Variants in CNTN5 observed in about 807,000 individuals in gnomAD.
The protein encoded by CNTN5 is contactin 5, also known as contactin-5.
In CNTN5, 77 loss-of-function variants were observed where a neutral mutation model predicts 129.1. That is an observed-to-expected ratio of 0.60 (90% CI 0.50 to 0.72). CNTN5 has a LOEUF of 0.72. Among genes scored for constraint, CNTN5 ranks in the 30% least tolerant of loss-of-function variants. The pLI, the probability that CNTN5 is intolerant of heterozygous loss-of-function variation, is 0.00. For synonymous variants in CNTN5, 509 were observed against 465.6 expected (o/e 1.09, Z -1.20); for missense variants, 1,478 against 1,328.8 (o/e 1.11, Z -1.75).
chr11:99,856,554 C>A (rs1321966337), intron 6 of CNTN5, among the ~76,000 whole-genome samples: 6 of 152,112 alleles, frequency 3.9e-5, no homozygotes. Flanking sequence ...TCTGCTCATT[C>A]CATGGGACTT....
intron 2 of CNTN5, among the ~76,000 whole-genome samples, chr11:99,329,424 C>T (rs1181060395): frequency 6.6e-6 from 1 of 152,104 alleles, no homozygotes; most frequent in African/African-American, 2.4e-5. Context: ...TATTTATTTT[C>T]TGGAGTAAGT....
At chr11:99,932,390 T>C (rs1348939684) in intron 7 of CNTN5, among the ~76,000 whole-genome samples, 1 of 151,858 alleles carries the variant, frequency 6.6e-6, no homozygotes, top group Non-Finnish European at 1.5e-5. Context: ...ACGGGGTTTC[T>C]CCATGTTGGC....
intron 17 of CNTN5, among the ~76,000 whole-genome samples, chr11:100,266,185 G>C (rs1950299973): frequency 6.6e-6 from 1 of 151,994 alleles, no homozygotes. Flanking sequence ...TTAGGGCCAG[G>C]AGATTGAGAC....
intron 8 of CNTN5, 87 bp downstream of exon 8, chr11:99,957,096 G>A: frequency 5.3e-6 from 6 of 1,129,446 alleles, no homozygotes; most frequent in South Asian, 1.6e-5. Flanking sequence ...TTTAAGACCT[G>A]GAACTTACAA....
At chr11:99,721,900 ATAGT>A (rs764550958) in intron 3 of CNTN5, among the ~76,000 whole-genome samples, 6 of 152,152 alleles carry the variant, frequency 3.9e-5, no homozygotes, top group Admixed American at 6.5e-5. Context: ...AATGTCACTG[ATAGT>A]TAGATAAATG....
At chr11:99,348,539 A>T (rs1193217124) in intron 2 of CNTN5, among the ~76,000 whole-genome samples, 2 of 152,198 alleles carry the variant, frequency 1.3e-5, no homozygotes, top group African/African-American at 2.4e-5. Context: ...CCAACTGCAA[A>T]TGGAGAAACT....
At chr11:99,770,190 A>T (rs1045629024) in intron 3 of CNTN5, among the ~76,000 whole-genome samples, 12 of 152,098 alleles carry the variant, frequency 7.9e-5, no homozygotes, top group Non-Finnish European at 1.6e-4. Flanking sequence ...TAATTTGCTT[A>T]TATTAGCATA....
At chr11:99,033,610 A>G (rs1863523955) in intron 1 of CNTN5, among the ~76,000 whole-genome samples, 1 of 151,606 alleles carries the variant, frequency 6.6e-6, no homozygotes, top group South Asian at 2.1e-4. Flanking sequence ...ATTTTTGTAC[A>G]TTGATTTTGT....
At chr11:100,001,028 G>A (rs888780308) in intron 8 of CNTN5, among the ~76,000 whole-genome samples, 1 of 152,128 alleles carries the variant, frequency 6.6e-6, no homozygotes, top group Non-Finnish European at 1.5e-5. Flanking sequence ...GTGATGAGAG[G>A]GGCTGCTATG....
intron 9 of CNTN5, among the ~76,000 whole-genome samples, chr11:100,040,839 G>A (rs529174696): frequency 6.6e-6 from 1 of 152,296 alleles, no homozygotes; most frequent in Non-Finnish European, 1.5e-5. Flanking sequence ...CGCAGTTTTA[G>A]GGTGGGAGTG....
chr11:99,676,646 TAAGAAAA>T (rs1446121261), intron 3 of CNTN5, among the ~76,000 whole-genome samples: 1 of 152,090 alleles, frequency 6.6e-6, no homozygotes, highest in Non-Finnish European at 1.5e-5. Flanking sequence ...TGGTAGTCGT[TAAGAAAA>T]AAGAACTTAA....
intron 1 of CNTN5, among the ~76,000 whole-genome samples, chr11:99,067,249 A>G (rs1261684720): frequency 2.6e-5 from 4 of 152,174 alleles, no homozygotes; most frequent in Admixed American, 2.0e-4. Flanking sequence ...TACTCTTGGC[A>G]TATGTAGTCA....
Position 99,146,965 on chromosome 11 carries a change from A to G in CNTN5, c.-210+125695A>G, listed in dbSNP as rs1415450193. Among the ~76,000 whole-genome samples, 3 of 152,152 alleles carry G rather than the reference A, an allele frequency of 2.0e-5. No homozygotes were observed. The East Asian group carries it at 5.8e-4, about 29-fold the overall frequency. On this transcript the variant is annotated intron_variant, in intron 1 of 24. Coordinates refer to ENST00000524871, the MANE Select transcript of CNTN5 (RefSeq NM_014361.4). ...CTGAACTCCTGGGCTCAAGCAATCC[A>G]TGTACTTTGGACTTCCAAGTGCTGG... is the stretch of plus-strand genomic sequence containing the variant.
At chr11:99,291,664 A>G (rs1041579172) in intron 1 of CNTN5, among the ~76,000 whole-genome samples, 1 of 152,022 alleles carries the variant, frequency 6.6e-6, no homozygotes, top group African/African-American at 2.4e-5. Context: ...AAAAGTGAAT[A>G]CTTTGTTCTT....
intron 3 of CNTN5, among the ~76,000 whole-genome samples, chr11:99,780,551 C>G (rs1475112656): frequency 6.6e-6 from 1 of 151,968 alleles, no homozygotes; most frequent in African/African-American, 2.4e-5. Context: ...TAAGCTTGAA[C>G]CAACACAACA....
intron 8 of CNTN5, among the ~76,000 whole-genome samples, chr11:99,967,272 T>G (rs1304396827): frequency 2.0e-5 from 3 of 152,176 alleles, no homozygotes; most frequent in African/African-American, 7.2e-5. Flanking sequence ...TTTGGAAGAT[T>G]TGAAGTGCGT....
intron 2 of CNTN5, among the ~76,000 whole-genome samples, chr11:99,539,915 A>T (rs1948039194): frequency 6.6e-6 from 1 of 152,086 alleles, no homozygotes. Context: ...CAGTATACTC[A>T]TTTTTGTCAT....
intron 2 of CNTN5, among the ~76,000 whole-genome samples, chr11:99,548,116 C>G (rs898965831): frequency 1.3e-5 from 2 of 152,036 alleles, no homozygotes; most frequent in African/African-American, 2.4e-5. Context: ...TCTGCAGTTA[C>G]TATTTTTCCT....
intron 3 of CNTN5, among the ~76,000 whole-genome samples, chr11:99,691,771 C>A (rs917708135): frequency 1.2e-4 from 19 of 152,094 alleles, no homozygotes; most frequent in African/African-American, 4.1e-4. Context: ...TCCACTTGAT[C>A]CAGAGCTGAG....
Sources: allele counts gnomAD v4.1 joint callset (sites outside exome capture counted in the v4.1 genomes callset), GRCh38; gene constraint gnomAD v4.1.1; transcripts MANE v1.5; gene names NCBI Gene and HGNC (gene_info 2026-07-23, HGNC 2026-07-21).